Variants in MAPKAP1 observed in about 807,000 individuals in gnomAD.
MAPKAP1 encodes the protein target of rapamycin complex 2 subunit MAPKAP1.
MAPKAP1 carries 20 observed loss-of-function variants against 65.7 expected under a neutral mutation model. That is an observed-to-expected ratio of 0.30 (90% CI 0.21 to 0.44). The LOEUF is 0.44. Among genes scored for constraint, MAPKAP1 ranks in the 20% least tolerant of loss-of-function variants. The probability of loss-of-function intolerance (pLI) is 1.00; values close to 1 mark genes in which losing one functional copy is unlikely to be tolerated. For synonymous variants in MAPKAP1, 222 were observed against 244.3 expected, an observed-to-expected ratio of 0.91 and a Z score of 0.85; for missense variants, 423 against 648.0, an observed-to-expected ratio of 0.65 and a Z score of 3.77.
intron 4 of MAPKAP1, among the ~76,000 whole-genome samples, chr9:125,638,926 C>T (rs919389093): frequency 6.6e-6 from 1 of 152,222 alleles, no homozygotes; most frequent in African/African-American, 2.4e-5. Flanking sequence ...GAATTAACCT[C>T]ACAATAACAA....
intron 8 of MAPKAP1, among the ~76,000 whole-genome samples, chr9:125,504,567 G>A (rs1230864747): frequency 1.3e-5 from 2 of 152,032 alleles, no homozygotes; most frequent in Non-Finnish European, 2.9e-5. Flanking sequence ...CTTGAGGCCA[G>A]GAGTTCAAGA....
chr9:125,700,277 G>A (rs1372544064), intron 1 of MAPKAP1, among the ~76,000 whole-genome samples: 1 of 152,172 alleles, frequency 6.6e-6, no homozygotes, highest in African/African-American at 2.4e-5. Context: ...CTGCTGAAAT[G>A]GTACTTATTT....
intron 7 of MAPKAP1, among the ~76,000 whole-genome samples, chr9:125,509,028 T>C (rs1403893808): frequency 6.6e-6 from 1 of 152,036 alleles, no homozygotes; most frequent in African/African-American, 2.4e-5. Flanking sequence ...ATTATAATTA[T>C]AAAAATACAA....
At chr9:125,446,864 T>C (rs1041211544) in intron 10 of MAPKAP1, among the ~76,000 whole-genome samples, 5 of 152,186 alleles carry the variant, frequency 3.3e-5, no homozygotes, top group African/African-American at 1.2e-4. Flanking sequence ...GCCTGAACAA[T>C]TGAGACACTG....
Position 125,544,113 on chromosome 9 carries a change from C to T in MAPKAP1, c.849-945G>A, listed in dbSNP as rs549756693. Reference sequence around the variant, plus strand: ...GCAACCTCTGCTGCCCAGGTTCAGGCGATTCTCCTGCCTCAGCCTCTCCAG... The same window carrying T: ...GCAACCTCTGCTGCCCAGGTTCAGGTGATTCTCCTGCCTCAGCCTCTCCAG... On this transcript the variant is annotated intron_variant, in intron 6 of 11. Transcript: ENST00000265960. 3.3e-5 allele frequency among the ~76,000 whole-genome samples: 5 copies of T among 152,098 alleles called. No individual in the cohort carries two copies. In the South Asian group the frequency reaches 6.2e-4, roughly 19 times the overall value.
intron 4 of MAPKAP1, among the ~76,000 whole-genome samples, chr9:125,634,004 T>C (rs1456030789): frequency 6.6e-6 from 1 of 152,248 alleles, no homozygotes; most frequent in Admixed American, 6.5e-5. Context: ...GCCTTGACAA[T>C]ATGTGATTAA....
At chr9:125,563,156 C>T (rs1830942124) in intron 5 of MAPKAP1, among the ~76,000 whole-genome samples, 1 of 152,202 alleles carries the variant, frequency 6.6e-6, no homozygotes. Context: ...GGTGTCCCCA[C>T]TTCTTGTCCA....
chr9:125,699,744 T>C (rs7852065), intron 1 of MAPKAP1, among the ~76,000 whole-genome samples: 59,339 of 151,476 alleles, frequency 0.39, 11,730 homozygotes, highest in Middle Eastern at 0.44. Context: ...GCAATCCTCC[T>C]ACCTCAGCCT....
chr9:125,537,736 G>C (rs1830113522), intron 7 of MAPKAP1, among the ~76,000 whole-genome samples: 1 of 152,176 alleles, frequency 6.6e-6, no homozygotes, highest in Non-Finnish European at 1.5e-5. Flanking sequence ...TCCTGCCTTG[G>C]CCTCCCAAGT....
chr9:125,484,569 C>T lies in MAPKAP1; in HGVS notation c.1081G>A (p.Gly361Arg), dbSNP rs139882483. ...ATTTGCGAATCCTCCTCAAAAACCC[C>T]GTCTGCCCTTGAACCTGGGGAGGAA... ...LVRENSSRAD[G>R]VFEEDSQIDI... Residue 361 changes from glycine to arginine, a missense_variant, in exon 9 of 12, where the codon GGG becomes AGG. By Grantham distance (125) the Gly-to-Arg change is moderately radical. Around this residue, in one of 6 missense-constraint regions of MAPKAP1, gnomAD observed 185 missense variants for 268.1 expected, o/e 0.69. Transcript: ENST00000265960. 9 of 1,610,144 alleles carry T rather than the reference C, an allele frequency of 5.6e-6. No individual in the cohort carries two copies. The highest frequency in any genetic ancestry group is 1.7e-5 in the Admixed American group (1 of 59,532).
At chr9:125,459,859 G>GAGGGAGACCGTGGGGAGAGGGAGAGGGAA (rs1564518486) in intron 10 of MAPKAP1, among the ~76,000 whole-genome samples, 240 of 149,374 alleles carry the variant, frequency 1.6e-3, no homozygotes, top group Middle Eastern at 3.5e-3. Flanking sequence ...ACCGTGGGGA[G>GAGGGAGACCGTGGGGAGAGGGAGAGGGAA]AGGGAGAGGG....
chr9:125,488,968 T>G (rs1411347078), intron 8 of MAPKAP1, among the ~76,000 whole-genome samples: 1 of 152,244 alleles, frequency 6.6e-6, no homozygotes, highest in East Asian at 1.9e-4. Flanking sequence ...TGACTTTGCA[T>G]GTATACGTTT....
Position 125,653,259 on chromosome 9 carries a change from T to G in MAPKAP1, c.498+4392A>C, listed in dbSNP as rs543100647. Among the ~76,000 whole-genome samples, 26 of 152,344 alleles carry G rather than the reference T, an allele frequency of 1.7e-4. No homozygotes were observed. In the East Asian group the frequency reaches 4.8e-3, roughly 28 times the overall value. ...GTAACAAAAGACAAGCACACAAATTTATTTAACCGAAATTTTACATGACAT... is the reference window on the plus strand; with the variant it reads ...GTAACAAAAGACAAGCACACAAATTGATTTAACCGAAATTTTACATGACAT... On this transcript the variant is annotated intron_variant, in intron 4 of 11. Coordinates refer to ENST00000265960, the MANE Select transcript of MAPKAP1 (RefSeq NM_001006617.3).
At chr9:125,567,338 G>A (rs1831088246) in intron 5 of MAPKAP1, among the ~76,000 whole-genome samples, 1 of 152,178 alleles carries the variant, frequency 6.6e-6, no homozygotes, top group African/African-American at 2.4e-5. Flanking sequence ...TAAAGACATT[G>A]CTGATAAAAG....
chr9:125,575,828 C>A (rs981738206), intron 5 of MAPKAP1, among the ~76,000 whole-genome samples: 8 of 152,296 alleles, frequency 5.3e-5, no homozygotes, highest in East Asian at 3.9e-4. Flanking sequence ...TACAATTTGT[C>A]AATCACACTC....
At chr9:125,599,032 CAA>C (rs377191673) in intron 4 of MAPKAP1, among the ~76,000 whole-genome samples, 36 of 70,910 alleles carry the variant, frequency 5.1e-4, no homozygotes, top group Admixed American at 1.4e-3. Context: ...AACTCCGTCT[CAA>C]AAAAAAAAAA....
At chr9:125,577,103 T>C (rs1330239738) in intron 5 of MAPKAP1, among the ~76,000 whole-genome samples, 1 of 150,684 alleles carries the variant, frequency 6.6e-6, no homozygotes, top group Non-Finnish European at 1.5e-5. Flanking sequence ...CCATCCCATC[T>C]AGGAAGTGAG....
chr9:125,661,116 G>A (rs1013165036), intron 3 of MAPKAP1, among the ~76,000 whole-genome samples: 8 of 152,070 alleles, frequency 5.3e-5, no homozygotes, highest in Non-Finnish European at 1.5e-5. Context: ...CTCTTAAATG[G>A]AAAGATTCTC....
At position 125,460,413 on chromosome 9, in the gene MAPKAP1, A is replaced by G. The variant is rs150125364; in HGVS notation, c.1345+7559T>C. On this transcript the variant is annotated intron_variant, in intron 10 of 11. Transcript: ENST00000265960. ...CTTGTTTATTAATACGTCCGAGGGA[A>G]AAATGAAGAAAATTTACAGAAAATG... 1.1e-4 allele frequency among the ~76,000 whole-genome samples: 16 copies of G among 152,364 alleles called. 1 individual carries two copies. The highest frequency in any genetic ancestry group is 3.4e-4 in the African/African-American group (14 of 41,580).
Sources: gnomAD v4.1 joint callset for allele counts (sites outside exome capture counted in the v4.1 genomes callset) on GRCh38, gnomAD v4.1.1 for gene constraint, gnomAD v4.1.1 regional missense constraint, MANE v1.5 for transcripts, NCBI Gene and HGNC (gene_info 2026-07-23, HGNC 2026-07-21) for gene names.